Variants in ABCC5 observed in about 807,000 individuals in gnomAD.
ABCC5 encodes the protein ATP-binding cassette sub-family C member 5.
Under a neutral mutation model 160.9 loss-of-function variants are expected in ABCC5, and 61 were observed. That is an observed-to-expected ratio of 0.38 (90% CI 0.31 to 0.47). The LOEUF is 0.47. Among genes scored for constraint, ABCC5 ranks in the 20% least tolerant of loss-of-function variants. The pLI, the probability that ABCC5 is intolerant of heterozygous loss-of-function variation, is 0.99. For synonymous variants in ABCC5, 666 were observed against 700.6 expected, an observed-to-expected ratio of 0.95 and a Z score of 0.78; for missense variants, 1,308 against 1,813.3, an observed-to-expected ratio of 0.72 and a Z score of 5.06.
At chr3:183,980,680 A>C (rs1718636001) in intron 8 of ABCC5, among the ~76,000 whole-genome samples, 1 of 151,968 alleles carries the variant, frequency 6.6e-6, no homozygotes, top group Non-Finnish European at 1.5e-5. Context: ...CAATGAAAGG[A>C]AAACAACAGC....
At chr3:184,002,414 A>G (rs1720822996) in intron 2 of ABCC5, among the ~76,000 whole-genome samples, 1 of 141,456 alleles carries the variant, frequency 7.1e-6, no homozygotes, top group Non-Finnish European at 1.5e-5. Flanking sequence ...AAAAAAAAAG[A>G]GAAAAACAAA....
intron 8 of ABCC5, among the ~76,000 whole-genome samples, chr3:183,980,615 C>A (rs1046849280): frequency 3.9e-5 from 6 of 152,178 alleles, no homozygotes; most frequent in Admixed American, 3.9e-4. Context: ...GCTTAACAGC[C>A]CTCATAAATC....
intron 11 of ABCC5, 90 bp from the exon 12 acceptor site, chr3:183,967,856 T>C: frequency 1.9e-6 from 2 of 1,065,664 alleles, no homozygotes. Context: ...AACTGTAGTC[T>C]ACCCATACAG....
chr3:183,950,077 A>C lies in ABCC5; in HGVS notation c.2993T>G (p.Ile998Ser). Residue 998 changes from isoleucine (I) to serine (S), a missense_variant, in exon 21 of 30, where the codon ATC becomes AGC. This residue lies in a region of ABCC5 where 1,142 missense variants were observed against 1,527.1 expected (regional missense o/e 0.75). Coordinates refer to ENST00000334444, the MANE Select transcript of ABCC5 (RefSeq NM_005688.4). Reference protein sequence around the residue: ...FQAEMFIQNVILVFFCVGMIA... With the variant: ...FQAEMFIQNVSLVFFCVGMIA... ...CATTCCCACACAGAAGAACACCAGGATAACGTTCTGGATGAACATCTCGGC... is the reference window on the plus strand; with the variant it reads ...CATTCCCACACAGAAGAACACCAGGCTAACGTTCTGGATGAACATCTCGGC... 1 of 1,614,196 alleles carries C rather than the reference A, an allele frequency of 6.2e-7. No individual in the cohort carries two copies. Among genetic ancestry groups the C allele is most frequent in the Non-Finnish European group, 8.5e-7 (1 of 1,180,042 alleles).
chr3:183,957,687 CGT>C (rs1716251414), intron 17 of ABCC5, among the ~76,000 whole-genome samples: 1 of 151,402 alleles, frequency 6.6e-6, no homozygotes. Flanking sequence ...CATGCAGATC[CGT>C]GTGTATATCA....
At chr3:183,933,900 G>A (rs1222423589) in intron 26 of ABCC5, among the ~76,000 whole-genome samples, 1 of 152,192 alleles carries the variant, frequency 6.6e-6, no homozygotes, top group Non-Finnish European at 1.5e-5. Flanking sequence ...TAATGGTGGT[G>A]GAGGCGCGGT....
At chr3:184,014,484 C>G in intron 1 of ABCC5, 37 bp from the exon 2 acceptor site, 2 of 1,360,450 alleles carry the variant, frequency 1.5e-6, no homozygotes, top group Non-Finnish European at 2.0e-6. Flanking sequence ...AGATTATTTC[C>G]TAAACAGTAC....
chr3:183,947,375 G>A lies in ABCC5; in HGVS notation c.3363C>T (p.His1121=), dbSNP rs540494348. The change falls in exon 23 of 30, where the codon CAC becomes CAT. Residue 1121 remains histidine (H), a synonymous_variant. Transcript: ENST00000334444. ...CCGCATAGGCTGGGGGAATCTGCCC[G>A]TGCATAAGAACGATCATCAGCCCCG... ...TTTGLMIVLM[H]GQIPPAYAGL... 1.5e-5 allele frequency: 25 copies of A among 1,613,560 alleles called. No homozygotes were observed. Among genetic ancestry groups the A allele is most frequent in the East Asian group, 8.9e-5 (4 of 44,876 alleles).
At chr3:183,991,240 T>A (rs1719734334) in intron 2 of ABCC5, among the ~76,000 whole-genome samples, 1 of 151,248 alleles carries the variant, frequency 6.6e-6, no homozygotes, top group Non-Finnish European at 1.5e-5. Flanking sequence ...GAGGCTGCAA[T>A]GAGCTATGAT....
At chr3:183,960,387 G>A (rs933203906) in intron 16 of ABCC5, among the ~76,000 whole-genome samples, 1 of 152,060 alleles carries the variant, frequency 6.6e-6, no homozygotes, top group Non-Finnish European at 1.5e-5. Context: ...GTCCACACTC[G>A]TTCCTCCACT....
intron 2 of ABCC5, among the ~76,000 whole-genome samples, chr3:184,007,354 C>T (rs988782898): frequency 1.3e-5 from 2 of 151,904 alleles, no homozygotes; most frequent in African/African-American, 4.8e-5. Context: ...TCCTTCTTTC[C>T]CAGATTAGAC....
At chr3:183,923,975 C>T (rs964006022) in intron 29 of ABCC5, among the ~76,000 whole-genome samples, 2 of 141,306 alleles carry the variant, frequency 1.4e-5, no homozygotes, top group South Asian at 4.5e-4. Context: ...CCTCCGCTTC[C>T]TTTTTTTTTA....
At chr3:183,990,999 G>A (rs1197357015) in intron 2 of ABCC5, among the ~76,000 whole-genome samples, 1 of 152,100 alleles carries the variant, frequency 6.6e-6, no homozygotes, top group Non-Finnish European at 1.5e-5. Flanking sequence ...AGCAATTATT[G>A]TGAAACAGTA....
intron 2 of ABCC5, among the ~76,000 whole-genome samples, chr3:184,003,271 T>C (rs1018238467): frequency 6.6e-6 from 1 of 152,184 alleles, no homozygotes; most frequent in East Asian, 1.9e-4. Context: ...CAAAAACTGA[T>C]GTCCTCCCAA....
In ABCC5 at chr3:183,967,888, G is replaced by C. The variant is rs530885068; in HGVS notation, c.1762-122C>G. On this transcript the variant is annotated intron_variant, in intron 11 of 29. Coordinates refer to ENST00000334444, the MANE Select transcript of ABCC5 (RefSeq NM_005688.4). Reference sequence around the variant, plus strand: ...ACAGAACTGTCACCCTGATGACTCAGCAGGCCACTTACCTGTTTTCTCACT... The same window carrying C: ...ACAGAACTGTCACCCTGATGACTCACCAGGCCACTTACCTGTTTTCTCACT... The C allele has an allele frequency of 3.8e-6, 3 of 780,984 alleles. No homozygotes were observed. The South Asian group carries it at 4.6e-5, about 12-fold the overall frequency. 48.4% of individuals were successfully genotyped at this position (780,984 alleles called of 1,614,324 possible). A position where few individuals can be genotyped will look rare whatever the true frequency, so the allele number is the denominator to read the frequency against.
intron 10 of ABCC5, among the ~76,000 whole-genome samples, chr3:183,973,798 A>G (rs1002113856): frequency 4.6e-5 from 7 of 152,204 alleles, no homozygotes; most frequent in Non-Finnish European, 8.8e-5. Flanking sequence ...TAACATGCCA[A>G]ACATTTTGAT....
chr3:183,964,415 G>C (rs981806812), intron 14 of ABCC5, among the ~76,000 whole-genome samples: 3 of 152,212 alleles, frequency 2.0e-5, no homozygotes, highest in African/African-American at 7.2e-5. Flanking sequence ...TTAATTCAGA[G>C]GTTTTCAAAC....
chr3:183,960,790 CT>C (rs11438378), intron 16 of ABCC5, among the ~76,000 whole-genome samples: 5 of 149,472 alleles, frequency 3.3e-5, no homozygotes, highest in Admixed American at 6.7e-5. Context: ...TCTCTTATGT[CT>C]TTTTTTTTTC....
At chr3:183,970,336 C>T (rs2108833518) in intron 11 of ABCC5, among the ~76,000 whole-genome samples, 1 of 152,270 alleles carries the variant, frequency 6.6e-6, no homozygotes, top group East Asian at 1.9e-4. Context: ...CTCCTTTGAT[C>T]TTTGCCCAAA....
Sources: gnomAD v4.1 joint callset for allele counts (sites outside exome capture counted in the v4.1 genomes callset) on GRCh38, gnomAD v4.1.1 for gene constraint, gnomAD v4.1.1 regional missense constraint, MANE v1.5 for transcripts, NCBI Gene and HGNC (gene_info 2026-07-23, HGNC 2026-07-21) for gene names.